PHF20L1: variants seen among roughly 807,000 people sequenced by gnomAD.
PHF20L1 encodes PHD finger protein 20 like 1, also known as PHD finger protein 20-like protein 1.
Under a neutral mutation model 125.5 loss-of-function variants are expected in PHF20L1, and 44 were observed. The ratio of observed to expected loss-of-function variants is 0.35; its 90% CI spans 0.28 to 0.45. The LOEUF (loss-of-function observed/expected upper bound fraction) is 0.45, where lower values mean the gene tolerates loss of function less well. Ranked by LOEUF, PHF20L1 falls within the 20% of genes least tolerant of loss-of-function variation. The probability of loss-of-function intolerance (pLI) is 1.00; values close to 1 mark genes in which losing one functional copy is unlikely to be tolerated. For synonymous variants in PHF20L1, 380 were observed against 403.1 expected (o/e 0.94, Z 0.69); for missense variants, 1,012 against 1,217.2 (o/e 0.83, Z 2.51).
intron 4 of PHF20L1, among the ~76,000 whole-genome samples, chr8:132,797,186 G>T (rs1832492643): frequency 1.3e-5 from 2 of 151,978 alleles, no homozygotes; most frequent in East Asian, 1.9e-4. Flanking sequence ...TATTAATTTT[G>T]TGATTTCTGT....
intron 11 of PHF20L1, 129 bp downstream of exon 11, chr8:132,817,205 A>T: frequency 1.1e-6 from 1 of 905,932 alleles, no homozygotes; most frequent in Non-Finnish European, 1.6e-6. Context: ...CACTTCACTT[A>T]TTCTACAAAT....
intron 4 of PHF20L1, among the ~76,000 whole-genome samples, chr8:132,795,365 C>T (rs765270295): frequency 6.6e-6 from 1 of 152,060 alleles, no homozygotes; most frequent in Non-Finnish European, 1.5e-5. Flanking sequence ...ATATTAGATA[C>T]TGAGCCAAAG....
chr8:132,841,359 C>T (rs905460863), intron 18 of PHF20L1, among the ~76,000 whole-genome samples: 1 of 152,064 alleles, frequency 6.6e-6, no homozygotes, highest in Non-Finnish European at 1.5e-5. Flanking sequence ...TATTGGACTG[C>T]AGTGCCAGCT....
At position 132,775,398 on chromosome 8, in the gene PHF20L1, G is replaced by T; in HGVS notation, c.-285G>T. The stretch of plus-strand genomic sequence containing the variant: ...GCCCGGCGTCGCGTCAGGGCTGGCC[G>T]GCGGCGGAGGCGGCGGCGGCGGCGG... On this transcript the variant is annotated 5_prime_UTR_variant, in exon 1 of 21. Transcript: ENST00000395386. 2.6e-6 allele frequency: 1 copy of T among 380,552 alleles called. No homozygotes were observed. Among genetic ancestry groups the T allele is most frequent in the Non-Finnish European group, 4.6e-6 (1 of 217,040 alleles). The allele number at this position is 380,552 out of a possible 1,614,324, so 23.6% of individuals were successfully genotyped here. A position where few individuals can be genotyped will look rare whatever the true frequency, so the allele number is the denominator to read the frequency against.
intron 19 of PHF20L1, chr8:132,843,397 C>T (rs990884322): frequency 2.2e-5 from 22 of 979,522 alleles, no homozygotes; most frequent in Non-Finnish European, 2.7e-5. Flanking sequence ...TAGAAATGTA[C>T]CTTTATTTTT....
intron 15 of PHF20L1, among the ~76,000 whole-genome samples, chr8:132,834,847 A>G (rs1351079087): frequency 6.6e-6 from 1 of 151,900 alleles, no homozygotes; most frequent in African/African-American, 2.4e-5. Context: ...ATATTTTCAG[A>G]TATTTCTTTA....
In PHF20L1 at chr8:132,825,308, A is replaced by G; in HGVS notation, c.1681A>G (p.Lys561Glu). The G allele has an allele frequency of 6.5e-7, 1 of 1,532,794 alleles. No individual in the cohort carries two copies. Among genetic ancestry groups the G allele is most frequent in the Non-Finnish European group, 9.0e-7 (1 of 1,111,454 alleles). 94.9% of individuals were successfully genotyped at this position (1,532,794 alleles called of 1,614,324 possible). A position where few individuals can be genotyped will look rare whatever the true frequency, so the allele number is the denominator to read the frequency against. Residue 561 changes from lysine (K) to glutamate (E), a missense_variant, in exon 14 of 21, where the codon AAA (lysine) becomes GAA (glutamate). Lys to Glu is a moderately conservative substitution (Grantham distance 56, BLOSUM62 1). Around this residue, in one of 7 missense-constraint regions of PHF20L1, gnomAD observed 320 missense variants for 293.8 expected, o/e 1.09. Transcript: ENST00000395386. The stretch of plus-strand genomic sequence containing the variant: ...TAAGGAAAGAAGAGAGAAGAGAGAC[A>G]AAGATCACTACAGACCAAAACAGAA... ...KDKERREKRD[K>E]DHYRPKQKKK...
At chr8:132,802,684 G>A (rs1035936400) in intron 6 of PHF20L1, among the ~76,000 whole-genome samples, 3 of 151,808 alleles carry the variant, frequency 2.0e-5, no homozygotes, top group African/African-American at 7.2e-5. Flanking sequence ...TTGCAATTAT[G>A]AGAGAAAGAG....
At chr8:132,788,309 C>T (rs575592128) in intron 2 of PHF20L1, among the ~76,000 whole-genome samples, 1 of 152,216 alleles carries the variant, frequency 6.6e-6, no homozygotes, top group Admixed American at 6.5e-5. Context: ...ATCCTATTGG[C>T]TTATCCATAT....
Position 132,794,754 on chromosome 8 carries a change from G to C in PHF20L1, c.277G>C (p.Val93Leu). 1 of 1,612,816 alleles carries C rather than the reference G, an allele frequency of 6.2e-7. No homozygotes were observed. The highest frequency in any genetic ancestry group is 1.7e-5 in the Admixed American group (1 of 59,934). ...ATAGGATTTTAAAGCTGGAGAAGAA[G>C]TTCTGGCTCGTTGGACAGACTGTCG... The part of the protein sequence containing the change: ...DFFDFKAGEE[V>L]LARWTDCRYY... Residue 93 changes from valine to leucine, a missense_variant, in exon 4 of 21, where the codon GTT becomes CTT. Physicochemically the swap from Val to Leu is conservative, Grantham distance 32 (BLOSUM62 1). Coordinates refer to ENST00000395386, the MANE Select transcript of PHF20L1 (RefSeq NM_016018.5).
chr8:132,802,047 T>C (rs928664073), intron 6 of PHF20L1, among the ~76,000 whole-genome samples: 1 of 151,622 alleles, frequency 6.6e-6, no homozygotes, highest in Admixed American at 6.6e-5. Flanking sequence ...GGTCTGCAAA[T>C]GTATGATCTC....
At position 132,817,015 on chromosome 8, in the gene PHF20L1, C is replaced by G; in HGVS notation, c.1311C>G (p.Ala437=). 1 of 1,608,056 alleles carries G rather than the reference C, an allele frequency of 6.2e-7. No homozygotes were observed. Among genetic ancestry groups the G allele is most frequent in the South Asian group, 1.1e-5 (1 of 90,516 alleles). Residue 437 remains alanine (A), a synonymous_variant, in exon 11 of 21, where the codon GCC becomes GCG. Coordinates refer to ENST00000395386, the MANE Select transcript of PHF20L1 (RefSeq NM_016018.5). The stretch of plus-strand genomic sequence containing the variant: ...AAAAGGTTTCTTCTCCCTCTCCAGC[C>G]ACTGATGGGAAAGTATTCTCCATCA... ...SVEKVSSPSP[A]TDGKVFSISS...
intron 2 of PHF20L1, among the ~76,000 whole-genome samples, chr8:132,778,820 G>C (rs1270927438): frequency 6.6e-6 from 1 of 152,170 alleles, no homozygotes; most frequent in Non-Finnish European, 1.5e-5. Context: ...TTCTGGGAGG[G>C]ATGCTGCCTT....
chr8:132,777,191 A>C (rs76839383), intron 1 of PHF20L1, among the ~76,000 whole-genome samples: 3,074 of 152,288 alleles, frequency 0.02, 108 homozygotes, highest in African/African-American at 0.071. Context: ...AAATTATTGA[A>C]TTATGTGCTA....
intron 2 of PHF20L1, among the ~76,000 whole-genome samples, chr8:132,791,121 T>C (rs1451919438): frequency 6.6e-6 from 1 of 152,132 alleles, no homozygotes; most frequent in Admixed American, 6.5e-5. Context: ...AGAAAACGTA[T>C]AGAAAGAACA....
At chr8:132,793,313 A>G (rs1831986508) in intron 2 of PHF20L1, among the ~76,000 whole-genome samples, 1 of 152,340 alleles carries the variant, frequency 6.6e-6, no homozygotes, top group African/African-American at 2.4e-5. Context: ...GAATGTCAAA[A>G]GATCGAAGAA....
At chr8:132,775,796 C>G (rs1829640213) in intron 1 of PHF20L1, among the ~76,000 whole-genome samples, 151 bp downstream of exon 1, 1 of 152,060 alleles carries the variant, frequency 6.6e-6, no homozygotes, top group African/African-American at 2.4e-5. Flanking sequence ...CGCCGCAGCT[C>G]CCTCTTCCCC....
chr8:132,808,557 C>G (rs1833996083), intron 8 of PHF20L1: 1 of 151,996 alleles, frequency 6.6e-6, no homozygotes, highest in Non-Finnish European at 1.5e-5. Context: ...TATAACTCTA[C>G]TCAGTTTCCT....
At chr8:132,821,458 C>A (rs924234348) in intron 12 of PHF20L1, among the ~76,000 whole-genome samples, 7 of 151,910 alleles carry the variant, frequency 4.6e-5, no homozygotes, top group Non-Finnish European at 1.0e-4. Flanking sequence ...CATTTTTATT[C>A]CAACATCTCA....
Sources: allele counts gnomAD v4.1 joint callset (sites outside exome capture counted in the v4.1 genomes callset), GRCh38; gene constraint gnomAD v4.1.1; regional missense constraint gnomAD v4.1.1; transcripts MANE v1.5; gene names NCBI Gene and HGNC (gene_info 2026-07-23, HGNC 2026-07-21).